PUDP: variants seen among roughly 807,000 people sequenced by gnomAD.
The protein encoded by PUDP is pseudouridine 5'-phosphatase, also known as pseudouridine-5'-phosphatase.
Under a neutral mutation model 9.4 loss-of-function variants are expected in PUDP, and 8 were observed. The ratio of observed to expected loss-of-function variants is 0.85; its 90% CI spans 0.50 to 1.53. The LOEUF (loss-of-function observed/expected upper bound fraction) is 1.53, where lower values mean the gene tolerates loss of function less well. Among genes scored for constraint, PUDP ranks in the 40% most tolerant of loss-of-function variants. The pLI is 0.00. For synonymous variants in PUDP, 99 were observed against 80.7 expected (o/e 1.23, Z -1.22); for missense variants, 188 against 189.7 (o/e 0.99, Z 0.05).
chrX:6,759,330 A>C (rs1309034809), intron 3 of PUDP, among the ~76,000 whole-genome samples: 1 of 112,069 alleles, frequency 8.9e-6, no homozygotes, highest in Non-Finnish European at 1.9e-5. Context: ...TTCCCCAGTC[A>C]AGATTTTTGT....
chrX:6,966,574 G>T (rs1928789322), intron 3 of PUDP, among the ~76,000 whole-genome samples: 1 of 100,100 alleles, frequency 1.0e-5, no homozygotes, highest in Admixed American at 1.1e-4. Context: ...TAGAGACAGG[G>T]TCTCAGTCTA....
intron 3 of PUDP, among the ~76,000 whole-genome samples, chrX:6,923,208 C>T (rs944603834): frequency 8.9e-5 from 10 of 111,739 alleles, no homozygotes; most frequent in African/African-American, 3.3e-4. Flanking sequence ...GTGCTTCCTC[C>T]TATCCCTCTT....
chrX:6,929,948 G>T (rs73629004), intron 3 of PUDP, among the ~76,000 whole-genome samples: 3,524 of 111,028 alleles, frequency 0.032, 141 homozygotes, highest in African/African-American at 0.11. Flanking sequence ...GTGTTACTGA[G>T]AATTCACTGC....
chrX:6,774,726 T>C (rs138502644), intron 3 of PUDP, among the ~76,000 whole-genome samples: 350 of 112,307 alleles, frequency 3.1e-3, no homozygotes, highest in Non-Finnish European at 5.0e-3. Context: ...GCCATTGCAA[T>C]TGATCTTTCC....
At chrX:6,795,054 T>C (rs1277030675) in intron 3 of PUDP, among the ~76,000 whole-genome samples, 1 of 108,589 alleles carries the variant, frequency 9.2e-6, no homozygotes, top group Non-Finnish European at 1.9e-5. Flanking sequence ...TTTTTTTTAC[T>C]TTTTAAACTT....
At chrX:6,792,434 T>A (rs1383471049) in intron 3 of PUDP, among the ~76,000 whole-genome samples, 2 of 108,523 alleles carry the variant, frequency 1.8e-5, no homozygotes, top group Non-Finnish European at 3.8e-5. Flanking sequence ...TAGAAAAAAC[T>A]TCACCCACCC....
intron 3 of PUDP, among the ~76,000 whole-genome samples, chrX:6,874,980 A>G (rs1242855706): frequency 8.9e-6 from 1 of 112,580 alleles, no homozygotes; most frequent in African/African-American, 3.2e-5. Context: ...TGCATTTCTT[A>G]CACTTTCCAG....
intron 3 of PUDP, among the ~76,000 whole-genome samples, chrX:6,848,285 A>G (rs1926778253): frequency 9.0e-6 from 1 of 111,683 alleles, no homozygotes; most frequent in Non-Finnish European, 1.9e-5. Flanking sequence ...TGGCCGTTCA[A>G]CAGGGCAGTT....
intron 3 of PUDP, among the ~76,000 whole-genome samples, chrX:6,834,827 C>T (rs1319348605): frequency 9.0e-6 from 1 of 111,153 alleles, no homozygotes; most frequent in Non-Finnish European, 1.9e-5. Context: ...AGAGATCAAA[C>T]TTGCAGCCCC....
intron 1 of PUDP, among the ~76,000 whole-genome samples, chrX:6,979,827 A>C (rs979338868): frequency 8.9e-6 from 1 of 111,955 alleles, no homozygotes; most frequent in Non-Finnish European, 1.9e-5. Context: ...TTGTCAAAGC[A>C]ATTCTTTAAA....
intron 1 of PUDP, among the ~76,000 whole-genome samples, chrX:6,996,322 A>C (rs1929249337): frequency 9.0e-6 from 1 of 111,205 alleles, no homozygotes; most frequent in African/African-American, 3.3e-5. Context: ...AAAGGCCATT[A>C]ATCAAAGGGT....
intron 1 of PUDP, among the ~76,000 whole-genome samples, chrX:6,998,236 G>A (rs1929276588): frequency 9.0e-6 from 1 of 111,239 alleles, no homozygotes; most frequent in Non-Finnish European, 1.9e-5. Context: ...CTGCCAATTT[G>A]GGGAAGCTGG....
intron 3 of PUDP, among the ~76,000 whole-genome samples, chrX:6,894,761 G>T (rs925465660): frequency 5.4e-4 from 60 of 111,548 alleles, no homozygotes; most frequent in African/African-American, 1.9e-3. Context: ...CTGTTACAGA[G>T]GCTACTTGGA....
chrX:6,915,441 T>C (rs1191932710), intron 3 of PUDP, among the ~76,000 whole-genome samples: 1 of 111,685 alleles, frequency 9.0e-6, no homozygotes, highest in Non-Finnish European at 1.9e-5. Flanking sequence ...GTCTCACTTA[T>C]ACAACCTTGG....
chrX:6,757,858 C>T (rs1487517177), intron 3 of PUDP, among the ~76,000 whole-genome samples: 1 of 112,233 alleles, frequency 8.9e-6, no homozygotes, highest in African/African-American at 3.2e-5. Flanking sequence ...TCTGTGCTGC[C>T]ACCTTTTCTG....
At chrX:7,110,535 C>G (rs966204144) in intron 1 of PUDP, among the ~76,000 whole-genome samples, 3 of 111,425 alleles carry the variant, frequency 2.7e-5, no homozygotes, top group African/African-American at 9.8e-5. Context: ...TATGGTGATA[C>G]GGTTTGGCTG....
intron 3 of PUDP, among the ~76,000 whole-genome samples, chrX:7,051,946 T>C (rs1334839997): frequency 8.9e-6 from 1 of 112,174 alleles, no homozygotes; most frequent in African/African-American, 3.2e-5. Flanking sequence ...CTTCTCCACA[T>C]GTGGCCTAGA....
chrX:6,901,341 T>C (rs1179460369), intron 3 of PUDP, among the ~76,000 whole-genome samples: 1 of 112,236 alleles, frequency 8.9e-6, no homozygotes, highest in Non-Finnish European at 1.9e-5. Context: ...GCCTCCTATA[T>C]TGGAAAGCCT....
intron 1 of PUDP, among the ~76,000 whole-genome samples, chrX:7,013,250 G>C (rs1929502756): frequency 8.9e-6 from 1 of 111,790 alleles, no homozygotes. Context: ...CAGCAGTCCT[G>C]AAAAATGATG....
Sources: allele counts gnomAD v4.1 joint callset (sites outside exome capture counted in the v4.1 genomes callset), GRCh38; gene constraint gnomAD v4.1.1; transcripts MANE v1.5; gene names NCBI Gene and HGNC (gene_info 2026-07-23, HGNC 2026-07-21).